Variants in SLC6A3 observed in about 807,000 individuals in gnomAD.
SLC6A3 encodes the protein sodium-dependent dopamine transporter.
Under a neutral mutation model 70.4 loss-of-function variants are expected in SLC6A3, and 19 were observed. That is an observed-to-expected ratio of 0.27 (90% confidence interval 0.19 to 0.40). The LOEUF (loss-of-function observed/expected upper bound fraction) is 0.40, where lower values mean the gene tolerates loss of function less well. Among genes scored for constraint, SLC6A3 ranks in the 10% least tolerant of loss-of-function variants. The pLI is 1.00. For missense variants in SLC6A3, 613 were observed against 838.5 expected (o/e 0.73, Z 3.32); for synonymous variants, 368 against 356.6 (o/e 1.03, Z -0.36).
In SLC6A3 at chr5:1,394,755, G is replaced by A. The variant is rs763131939; in HGVS notation, c.1843C>T (p.Arg615Cys). 17 of 1,614,040 alleles carry A rather than the reference G, an allele frequency of 1.1e-5. No individual in the cohort carries two copies. Among genetic ancestry groups the A allele is most frequent in the East Asian group, 2.2e-5 (1 of 44,880 alleles). The change falls in exon 15 of 15, where the codon CGC (arginine) becomes TGC (cysteine). Residue 615 changes from arginine (R) to cysteine (C), a missense_variant. Physicochemically the swap from Arg to Cys is radical, Grantham distance 180. Around this residue, in one of 4 missense-constraint regions of SLC6A3, gnomAD observed 348 missense variants for 481.2 expected, o/e 0.72. Transcript: ENST00000270349. This position sits in a 1 kb window ranked among gnomAD's most constrained non-coding sequence, Gnocchi z 4.7. ...DRGEVRQFTLRHWLKV is the reference protein window; with the variant it reads ...DRGEVRQFTLCHWLKV ...TCCCTCTACACCTTGAGCCAGTGGC[G>A]GAGCTGGAAAGAAAACAGGTTTAGT...
chr5:1,395,740 GC>G (rs140059065), intron 14 of SLC6A3, among the ~76,000 whole-genome samples: 3,654 of 152,316 alleles, frequency 0.024, 163 homozygotes, highest in African/African-American at 0.083. Context: ...CTGGGTGGCA[GC>G]CCCACTTCAG....
intron 4 of SLC6A3, among the ~76,000 whole-genome samples, chr5:1,425,013 G>A (rs1409754502): frequency 1.3e-5 from 2 of 152,248 alleles, no homozygotes; most frequent in Non-Finnish European, 2.9e-5. Context: ...GGACATCCGG[G>A]AAGGGGCATA....
chr5:1,435,032 A>C (rs531591652), intron 3 of SLC6A3, among the ~76,000 whole-genome samples: 1 of 152,212 alleles, frequency 6.6e-6, no homozygotes, highest in Admixed American at 6.5e-5. Context: ...TCTGTATTGC[A>C]GTCTGTCATG....
At chr5:1,440,778 C>T (rs1733632869) in intron 3 of SLC6A3, among the ~76,000 whole-genome samples, 3 of 152,026 alleles carry the variant, frequency 2.0e-5, no homozygotes, top group South Asian at 4.1e-4. Context: ...AGAACAGATG[C>T]TTCCTCACAG....
chr5:1,439,965 C>T (rs1357549730), intron 3 of SLC6A3, among the ~76,000 whole-genome samples: 2 of 152,222 alleles, frequency 1.3e-5, no homozygotes, highest in African/African-American at 4.8e-5. Flanking sequence ...CTAGTGTGTG[C>T]CCTTCCCAGG....
chr5:1,411,205 A>G lies in SLC6A3; in HGVS notation c.1269+38T>C, dbSNP rs761849759. The G allele has an allele frequency of 7.0e-7, 1 of 1,431,578 alleles. No individual in the cohort carries two copies. Among genetic ancestry groups the G allele is most frequent in the South Asian group, 1.2e-5 (1 of 81,810 alleles). 88.7% of individuals were successfully genotyped at this position (1,431,578 alleles called of 1,614,324 possible). On this transcript the variant is annotated intron_variant, in intron 9 of 14. Coordinates refer to ENST00000270349, the MANE Select transcript of SLC6A3 (RefSeq NM_001044.5). This position sits in a 1 kb window ranked among gnomAD's most constrained non-coding sequence, Gnocchi z 6.5. ...GGCCCCCTCGGGTGGAAGGAACCCA[A>G]CTGCCGAGGACAGGGCCGGGCGGTG...
Position 1,411,489 on chromosome 5 carries a change from G to T in SLC6A3, c.1157-134C>A, listed in dbSNP as rs536456745. ...AGGGCTGGTGCGGCTCTGCTGAAAAGCCCCCTTCTATATGTCCAGCAGACC... is the reference window on the plus strand; with the variant it reads ...AGGGCTGGTGCGGCTCTGCTGAAAATCCCCCTTCTATATGTCCAGCAGACC... On this transcript the variant is annotated intron_variant, in intron 8 of 14. Transcript: ENST00000270349. This position sits in a 1 kb window ranked among gnomAD's most constrained non-coding sequence, Gnocchi z 6.5. 9.6e-6 allele frequency: 7 copies of T among 729,174 alleles called. No homozygotes were observed. The South Asian group carries it at 1.0e-4, about 11-fold the overall frequency. The allele number at this position is 729,174 out of a possible 1,614,324, so 45.2% of individuals were successfully genotyped here. A position where few individuals can be genotyped will look rare whatever the true frequency, so the allele number is the denominator to read the frequency against.
intron 14 of SLC6A3, among the ~76,000 whole-genome samples, chr5:1,400,691 G>C (rs1369660521): frequency 6.6e-6 from 1 of 152,182 alleles, no homozygotes. Context: ...AGGCGTCTGT[G>C]CAGCCGCACC....
chr5:1,437,611 C>T lies in SLC6A3; in HGVS notation c.418+3748G>A, dbSNP rs2963242. Among the ~76,000 whole-genome samples the T allele has an allele frequency of 0.037, 5,659 of 152,308 alleles. 333 individuals are homozygous for T. The highest frequency in any genetic ancestry group is 0.12 in the African/African-American group (5,112 of 41,554). On this transcript the variant is annotated intron_variant, in intron 3 of 14. Transcript: ENST00000270349. The surrounding 1 kb of genome is among the most constrained non-coding windows in gnomAD (Gnocchi z 4.8). ...ATCCCAAGCTGCTCTGGTGAGACTACGGGAAATGCACGTGAGTCATGGCTG... is the reference window on the plus strand; with the variant it reads ...ATCCCAAGCTGCTCTGGTGAGACTATGGGAAATGCACGTGAGTCATGGCTG...
At chr5:1,444,996 CT>C (rs1486458439) in intron 1 of SLC6A3, among the ~76,000 whole-genome samples, 3 of 152,184 alleles carry the variant, frequency 2.0e-5, no homozygotes, top group African/African-American at 7.2e-5. Flanking sequence ...CGCCGCACCC[CT>C]AGTAGGGTTA....
At chr5:1,395,971 A>C (rs1420551798) in intron 14 of SLC6A3, among the ~76,000 whole-genome samples, 1 of 152,238 alleles carries the variant, frequency 6.6e-6, no homozygotes, top group Non-Finnish European at 1.5e-5. Context: ...GAGTCCCCAG[A>C]AACCAGACCT....
At position 1,394,578 on chromosome 5, in the gene SLC6A3, G is replaced by A. The variant is rs41282613; in HGVS notation, c.*157C>T. ...CTCCCGGCACGGAAAGGTGTAAACA[G>A]TCAGAAGAGAGGAGTCTTCTGCTTT... On this transcript the variant is annotated 3_prime_UTR_variant, in exon 15 of 15. Transcript: ENST00000270349. This position sits in a 1 kb window ranked among gnomAD's most constrained non-coding sequence, Gnocchi z 4.7. 2,809 of 791,024 alleles carry A rather than the reference G, an allele frequency of 3.6e-3. 17 individuals carry two copies. Among genetic ancestry groups the A allele is most frequent in the Middle Eastern group, 5.4e-3 (24 of 4,464 alleles). 49.0% of individuals were successfully genotyped at this position (791,024 alleles called of 1,614,324 possible).
chr5:1,441,714 C>T (rs951415561), intron 2 of SLC6A3, among the ~76,000 whole-genome samples: 2 of 152,190 alleles, frequency 1.3e-5, no homozygotes, highest in African/African-American at 4.8e-5. Context: ...TCATTGCGCA[C>T]CTCGAGCCAT....
intron 12 of SLC6A3, among the ~76,000 whole-genome samples, 184 bp from the exon 13 acceptor site, chr5:1,403,273 A>G (rs1560906522): frequency 6.6e-6 from 1 of 151,642 alleles, no homozygotes; most frequent in Non-Finnish European, 1.5e-5. Flanking sequence ...CTCCTGAAGC[A>G]TGATCTAGCC....
intron 7 of SLC6A3, among the ~76,000 whole-genome samples, chr5:1,415,317 C>T (rs746173109): frequency 8.5e-5 from 13 of 152,094 alleles, no homozygotes; most frequent in Non-Finnish European, 1.9e-4. Flanking sequence ...GTCCTGGGGT[C>T]GGTCAGGGCA....
At position 1,408,990 on chromosome 5, in the gene SLC6A3, G is replaced by C; in HGVS notation, c.1498+36C>G. ...GGGGAGTGGCACAGCCACCAAACAA[G>C]AGGGTGCCGGCTTGGCTGCCTTCCC... On this transcript the variant is annotated intron_variant, in intron 11 of 14. Transcript: ENST00000270349. This position sits in a 1 kb window ranked among gnomAD's most constrained non-coding sequence, Gnocchi z 6.4. 7.0e-7 allele frequency: 1 copy of C among 1,437,466 alleles called. No individual in the cohort carries two copies. Among genetic ancestry groups the C allele is most frequent in the Non-Finnish European group, 9.8e-7 (1 of 1,021,130 alleles). 89.0% of individuals were successfully genotyped at this position (1,437,466 alleles called of 1,614,324 possible). A position where few individuals can be genotyped will look rare whatever the true frequency, so the allele number is the denominator to read the frequency against.
rs780550591 is a variant in SLC6A3, at chr5:1,442,951, C to T, written c.247G>A (p.Val83Ile). ...VIGFAVDLANVWRFPYLCYKN... is the reference protein window; with the variant it reads ...VIGFAVDLANIWRFPYLCYKN... ...TAGCACAGGTAGGGGAACCGCCAGACGTTGGCCAGGTCCACAGCAAAGCCA... is the reference window on the plus strand; with the variant it reads ...TAGCACAGGTAGGGGAACCGCCAGATGTTGGCCAGGTCCACAGCAAAGCCA... The change falls in exon 2 of 15, where the codon GTC becomes ATC. Residue 83 changes from valine (V) to isoleucine (I), a missense_variant. Physicochemically the swap from Val to Ile is conservative, Grantham distance 29. Coordinates refer to ENST00000270349, the MANE Select transcript of SLC6A3 (RefSeq NM_001044.5). The surrounding 1 kb of genome is among the most constrained non-coding windows in gnomAD (Gnocchi z 5.0). 2.0e-5 allele frequency: 33 copies of T among 1,614,120 alleles called. 1 individual carries two copies. Among genetic ancestry groups the T allele is most frequent in the East Asian group, 1.6e-4 (7 of 44,894 alleles).
At chr5:1,409,188 G>T in intron 10 of SLC6A3, 63 bp from the exon 11 acceptor site, 1 of 1,173,762 alleles carries the variant, frequency 8.5e-7, no homozygotes, top group Non-Finnish European at 1.2e-6. Flanking sequence ...ACCCAGCCTG[G>T]GGATTCACTG....
In SLC6A3 at chr5:1,406,892, T is replaced by C. The variant is rs1755995448; in HGVS notation, c.1499-604A>G. 1.3e-5 allele frequency among the ~76,000 whole-genome samples: 2 copies of C among 152,168 alleles called. No homozygotes were observed. Among genetic ancestry groups the C allele is most frequent in the Admixed American group, 1.3e-4 (2 of 15,278 alleles). On this transcript the variant is annotated intron_variant, in intron 11 of 14. Transcript: ENST00000270349. This position sits in a 1 kb window ranked among gnomAD's most constrained non-coding sequence, Gnocchi z 8.8. ...GGAACCTCCCGTCAGTGGAGTCACG[T>C]GGCACGGGGCCTCTGCAACTGGTTT...
Sources: allele counts gnomAD v4.1 joint callset (sites outside exome capture counted in the v4.1 genomes callset), GRCh38; gene constraint gnomAD v4.1.1; regional missense constraint gnomAD v4.1.1; non-coding constraint Gnocchi (gnomAD v3.1); transcripts MANE v1.5; gene names NCBI Gene and HGNC (gene_info 2026-07-23, HGNC 2026-07-21).